The following ARHGAP26 variants were observed in gnomAD, a reference collection of about 807,000 sequenced individuals.
The protein encoded by ARHGAP26 is Rho GTPase activating protein 26, also known as rho GTPase-activating protein 26.
Under a neutral mutation model 104.8 loss-of-function variants are expected in ARHGAP26, and 38 were observed. The observed-to-expected ratio is 0.36, with a 90% confidence interval of 0.28 to 0.48. ARHGAP26 has a LOEUF of 0.48. Among genes scored for constraint, ARHGAP26 ranks in the 20% least tolerant of loss-of-function variants. The pLI is 0.99. For missense variants in ARHGAP26, 704 were observed against 947.9 expected (o/e 0.74, Z 3.38); for synonymous variants, 341 against 340.0 (o/e 1.00, Z -0.03).
At chr5:142,817,756 A>G (rs979382372) in intron 1 of ARHGAP26, among the ~76,000 whole-genome samples, 1 of 152,090 alleles carries the variant, frequency 6.6e-6, no homozygotes, top group Non-Finnish European at 1.5e-5. Flanking sequence ...GCCAAATTGC[A>G]CTGTTTGCCC....
At chr5:143,085,264 A>C (rs1409099841) in intron 17 of ARHGAP26, among the ~76,000 whole-genome samples, 2 of 152,026 alleles carry the variant, frequency 1.3e-5, no homozygotes, top group African/African-American at 4.8e-5. Context: ...GCTTCATAGA[A>C]CATCCTCTGG....
rs186433860 is a variant in ARHGAP26 at position 142,819,303 on chromosome 5, G to C, written c.154+48388G>C. Among the ~76,000 whole-genome samples the C allele has an allele frequency of 4.0e-3, 609 of 152,286 alleles. 1 individual carries two copies. Among genetic ancestry groups the C allele is most frequent in the Non-Finnish European group, 6.5e-3 (442 of 68,016 alleles). ...CCCCAGTAGGTCAGAGGTCAACCAT[G>C]GTCCTTGCAGTGGGGAGTCTGGGCT... On this transcript the variant is annotated intron_variant, in intron 1 of 22. Transcript: ENST00000645722.
intron 21 of ARHGAP26, among the ~76,000 whole-genome samples, chr5:143,209,273 G>A (rs1056329584): frequency 6.6e-5 from 10 of 152,104 alleles, no homozygotes; most frequent in Admixed American, 1.3e-4. Context: ...CTCTTCACTC[G>A]TTTTCATCTC....
chr5:143,219,835 G>A (rs191732144), intron 22 of ARHGAP26, among the ~76,000 whole-genome samples: 1 of 152,228 alleles, frequency 6.6e-6, no homozygotes, highest in East Asian at 1.9e-4. Context: ...GTTTGAATAA[G>A]CATCCTGAGG....
chr5:143,133,864 G>T (rs1005357073), intron 18 of ARHGAP26, 103 bp from the exon 19 acceptor site: 9 of 1,170,144 alleles, frequency 7.7e-6, no homozygotes, highest in Non-Finnish European at 8.1e-6. Context: ...ATCTTTTCTT[G>T]CTAATTCCAA....
intron 11 of ARHGAP26, among the ~76,000 whole-genome samples, chr5:142,973,027 T>G (rs1772508610): frequency 6.6e-6 from 1 of 152,200 alleles, no homozygotes; most frequent in Non-Finnish European, 1.5e-5. Flanking sequence ...TTATTAAATT[T>G]TAATTGTTAA....
rs545131363 is a variant in ARHGAP26 at position 143,064,048 on chromosome 5, C to T, written c.1538+6301C>T. 1.1e-4 allele frequency among the ~76,000 whole-genome samples: 17 copies of T among 152,258 alleles called. No individual in the cohort carries two copies. In the South Asian group the frequency reaches 3.5e-3, roughly 32 times the overall value. On this transcript the variant is annotated intron_variant, in intron 17 of 22. Coordinates refer to ENST00000645722, the MANE Select transcript of ARHGAP26 (RefSeq NM_001135608.3). ...TGTGTTTGGTGGTGGTGGTATCCTA[C>T]ACATTACTGTTTTGAAACTTTGAAC... is the stretch of plus-strand genomic sequence containing the variant.
At chr5:143,128,912 C>T (rs1797011542) in intron 18 of ARHGAP26, among the ~76,000 whole-genome samples, 1 of 152,194 alleles carries the variant, frequency 6.6e-6, no homozygotes, top group South Asian at 2.1e-4. Context: ...CCTAATTTCC[C>T]TCCCATAAAA....
intron 17 of ARHGAP26, among the ~76,000 whole-genome samples, chr5:143,060,001 A>G (rs953072654): frequency 2.6e-5 from 4 of 152,234 alleles, no homozygotes; most frequent in African/African-American, 9.6e-5. Flanking sequence ...GTCTGAAAAA[A>G]TTCTTTGGCA....
chr5:142,955,148 C>A (rs541029684), intron 11 of ARHGAP26, among the ~76,000 whole-genome samples: 57 of 150,028 alleles, frequency 3.8e-4, no homozygotes, highest in Middle Eastern at 3.4e-3. Context: ...CACACACACA[C>A]ATACAAGTTT....
chr5:143,087,512 C>T (rs1354172225), intron 17 of ARHGAP26, among the ~76,000 whole-genome samples: 1 of 152,030 alleles, frequency 6.6e-6, no homozygotes, highest in Non-Finnish European at 1.5e-5. Flanking sequence ...CTCCCCATAC[C>T]CTCTCCATTG....
Position 143,020,157 on chromosome 5 carries a change from T to C in ARHGAP26, c.1144+6041T>C, listed in dbSNP as rs75843424. 3.3e-3 allele frequency among the ~76,000 whole-genome samples: 502 copies of C among 152,330 alleles called. 18 individuals are homozygous for C. In the East Asian group the frequency reaches 0.057, roughly 17 times the overall value. On this transcript the variant is annotated intron_variant, in intron 12 of 22. Coordinates refer to ENST00000645722, the MANE Select transcript of ARHGAP26 (RefSeq NM_001135608.3). Reference sequence around the variant, plus strand: ...TAGCTCTTCCTTCAGTGAATGCCTCTAGAAGTTCTTGGACTCCTGGCCTCA... The same window carrying C: ...TAGCTCTTCCTTCAGTGAATGCCTCCAGAAGTTCTTGGACTCCTGGCCTCA...
chr5:142,903,756 C>A, intron 8 of ARHGAP26, 87 bp downstream of exon 8: 1 of 1,367,320 alleles, frequency 7.3e-7, no homozygotes, highest in African/African-American at 1.5e-5. Flanking sequence ...GCCTACCTTA[C>A]TGTAGATACA....
chr5:143,002,710 G>C (rs1777372616), intron 11 of ARHGAP26, among the ~76,000 whole-genome samples: 1 of 152,160 alleles, frequency 6.6e-6, no homozygotes. Flanking sequence ...ACACTTTTCT[G>C]ACTTGTACAT....
chr5:143,127,923 C>T (rs1289059799), intron 18 of ARHGAP26, among the ~76,000 whole-genome samples: 2 of 152,200 alleles, frequency 1.3e-5, no homozygotes, highest in African/African-American at 2.4e-5. Context: ...CTCTTGCCTG[C>T]TCAGGAAGCT....
At chr5:143,165,847 GT>G (rs1315875309) in intron 20 of ARHGAP26, among the ~76,000 whole-genome samples, 2 of 152,306 alleles carry the variant, frequency 1.3e-5, no homozygotes, top group Non-Finnish European at 2.9e-5. Context: ...ACGACGAACA[GT>G]TCCTTGCCCT....
intron 20 of ARHGAP26, among the ~76,000 whole-genome samples, chr5:143,148,023 T>C (rs1251192378): frequency 6.6e-6 from 1 of 152,228 alleles, no homozygotes; most frequent in Non-Finnish European, 1.5e-5. Flanking sequence ...CAGAAAGTTC[T>C]CCCTCATGGT....
At chr5:142,830,560 A>G (rs574641994) in intron 1 of ARHGAP26, among the ~76,000 whole-genome samples, 5 of 152,288 alleles carry the variant, frequency 3.3e-5, no homozygotes, top group East Asian at 3.9e-4. Context: ...GATCTGATCA[A>G]TGCACTCTTT....
At chr5:142,943,951 A>G (rs1766744297) in intron 11 of ARHGAP26, among the ~76,000 whole-genome samples, 1 of 152,160 alleles carries the variant, frequency 6.6e-6, no homozygotes. Flanking sequence ...TGAATTTTTC[A>G]TAATGCACGT....
Sources: allele counts gnomAD v4.1 joint callset (sites outside exome capture counted in the v4.1 genomes callset), GRCh38; gene constraint gnomAD v4.1.1; transcripts MANE v1.5; gene names NCBI Gene and HGNC (gene_info 2026-07-23, HGNC 2026-07-21).